Variants in CCDC149 observed in about 807,000 individuals in gnomAD.
The protein encoded by CCDC149 is coiled-coil domain-containing protein 149.
In CCDC149, 45 loss-of-function variants were observed where a neutral mutation model predicts 59.9. The ratio of observed to expected loss-of-function variants is 0.75; its 90% confidence interval spans 0.59 to 0.96. The LOEUF is 0.96. Ranked by LOEUF, CCDC149 falls within the 40% of genes least tolerant of loss-of-function variation. The probability of loss-of-function intolerance (pLI) is 0.00; values close to 1 mark genes in which losing one functional copy is unlikely to be tolerated. For missense variants in CCDC149, 584 were observed against 664.7 expected (o/e 0.88, Z 1.33); for synonymous variants, 245 against 260.6 (o/e 0.94, Z 0.58).
At chr4:24,849,792 C>T (rs990627210) in intron 4 of CCDC149, among the ~76,000 whole-genome samples, 2 of 152,192 alleles carry the variant, frequency 1.3e-5, no homozygotes. Flanking sequence ...AGATAAAAAT[C>T]TTCCACTTTA....
At chr4:24,821,998 T>G (rs570991234) in intron 10 of CCDC149, among the ~76,000 whole-genome samples, 44 of 152,160 alleles carry the variant, frequency 2.9e-4, no homozygotes, top group Admixed American at 7.9e-4. Context: ...GTTTTTATCT[T>G]TATTTTTAGT....
chr4:24,855,561 A>T (rs1376087350), intron 3 of CCDC149, among the ~76,000 whole-genome samples: 3 of 115,128 alleles, frequency 2.6e-5, no homozygotes, highest in African/African-American at 9.9e-5. Flanking sequence ...GGCAACAAAG[A>T]GAGACTCTGT....
chr4:24,838,068 G>A (rs1716658057), intron 5 of CCDC149, 88 bp downstream of exon 5: 2 of 1,056,108 alleles, frequency 1.9e-6, no homozygotes, highest in Non-Finnish European at 1.5e-6. Context: ...CCCATACTCT[G>A]AGAAACGAGG....
At chr4:24,845,894 C>A (rs1404233551) in intron 4 of CCDC149, among the ~76,000 whole-genome samples, 2 of 152,344 alleles carry the variant, frequency 1.3e-5, no homozygotes, top group Admixed American at 1.3e-4. Flanking sequence ...GAGCCAAAAT[C>A]TTTAGTGTCC....
At chr4:24,834,570 G>A (rs1716371057) in intron 8 of CCDC149, among the ~76,000 whole-genome samples, 1 of 152,154 alleles carries the variant, frequency 6.6e-6, no homozygotes, top group African/African-American at 2.4e-5. Context: ...TAGGAAACGG[G>A]GAACATTCTG....
chr4:24,930,899 G>GGACC (rs1468377156), intron 1 of CCDC149, among the ~76,000 whole-genome samples: 2 of 151,998 alleles, frequency 1.3e-5, no homozygotes, highest in Non-Finnish European at 1.5e-5. Context: ...GAGAAGGGAG[G>GGACC]GACCCTCTGG....
intron 12 of CCDC149, among the ~76,000 whole-genome samples, chr4:24,813,076 G>A (rs888180438): frequency 1.3e-5 from 2 of 152,106 alleles, no homozygotes; most frequent in African/African-American, 4.8e-5. Flanking sequence ...AGGCCTTTGG[G>A]AGGTACTCAG....
At chr4:24,881,938 A>T (rs1474161930) in intron 1 of CCDC149, among the ~76,000 whole-genome samples, 1 of 152,316 alleles carries the variant, frequency 6.6e-6, no homozygotes, top group East Asian at 1.9e-4. Context: ...AGCTCATTAC[A>T]GAGCCAAGCC....
intron 3 of CCDC149, among the ~76,000 whole-genome samples, chr4:24,872,527 C>T (rs571461117): frequency 5.3e-5 from 8 of 152,152 alleles, no homozygotes; most frequent in African/African-American, 1.7e-4. Context: ...TATGCACCCA[C>T]AGAAGAGCAT....
rs560305015 is a variant in CCDC149, at chr4:24,943,550, G to A, written c.-65+36519C>T. Among the ~76,000 whole-genome samples the A allele has an allele frequency of 3.9e-5, 6 of 152,302 alleles. No homozygotes were observed. In the East Asian group the frequency reaches 1.2e-3, roughly 29 times the overall value. ...AACACCAAAAGCAATGGCAACAAAA[G>A]CCAAAATTGACAAATGGGATCTAAT... On this transcript the variant is annotated intron_variant, in intron 1 of 12. Transcript: ENST00000389609.
intron 9 of CCDC149, among the ~76,000 whole-genome samples, chr4:24,824,883 T>C (rs980615251): frequency 1.3e-5 from 2 of 152,188 alleles, no homozygotes; most frequent in African/African-American, 4.8e-5. Flanking sequence ...ACTGTTCATG[T>C]TGAAACATGG....
intron 4 of CCDC149, among the ~76,000 whole-genome samples, chr4:24,852,317 C>T (rs569695813): frequency 7.5e-4 from 114 of 151,736 alleles, no homozygotes; most frequent in Non-Finnish European, 1.0e-3. Context: ...CACACACACA[C>T]ACACACACAC....
intron 1 of CCDC149, among the ~76,000 whole-genome samples, chr4:24,951,302 T>C (rs1156945774): frequency 6.6e-6 from 1 of 152,210 alleles, no homozygotes; most frequent in Non-Finnish European, 1.5e-5. Flanking sequence ...TTTGGAAGCT[T>C]TTAAACTTCA....
chr4:24,961,220 G>A (rs936631372), intron 1 of CCDC149, among the ~76,000 whole-genome samples: 8 of 152,224 alleles, frequency 5.3e-5, no homozygotes, highest in Non-Finnish European at 1.0e-4. Flanking sequence ...CTTGAGGAAT[G>A]ACATGGTGGT....
chr4:24,848,040 A>C (rs1419946985), intron 4 of CCDC149, among the ~76,000 whole-genome samples: 1 of 152,164 alleles, frequency 6.6e-6, no homozygotes, highest in Admixed American at 6.5e-5. Context: ...ATTAAATGGA[A>C]AATCCCAGAA....
chr4:24,844,887 C>T (rs1032650686), intron 4 of CCDC149, among the ~76,000 whole-genome samples: 5 of 152,052 alleles, frequency 3.3e-5, no homozygotes, highest in African/African-American at 4.8e-5. Flanking sequence ...ATGCACTATC[C>T]TAGGTGCTGA....
chr4:24,952,204 A>G (rs971004855), intron 1 of CCDC149, among the ~76,000 whole-genome samples: 5 of 152,062 alleles, frequency 3.3e-5, no homozygotes, highest in Non-Finnish European at 7.4e-5. Context: ...CACGCCTCAA[A>G]CCTTCGGCTT....
chr4:24,925,029 A>G (rs968829072), intron 1 of CCDC149, among the ~76,000 whole-genome samples: 1 of 152,222 alleles, frequency 6.6e-6, no homozygotes, highest in Admixed American at 6.5e-5. Flanking sequence ...AATCTCAACT[A>G]CATCTTGTCC....
intron 1 of CCDC149, among the ~76,000 whole-genome samples, chr4:24,972,795 T>C (rs13111605): frequency 0.69 from 105,167 of 152,160 alleles, 36,529 homozygotes; most frequent in Non-Finnish European, 0.71. Flanking sequence ...TGTTTATTTG[T>C]CACACTTTGA....
Sources: allele counts gnomAD v4.1 joint callset (sites outside exome capture counted in the v4.1 genomes callset), GRCh38; gene constraint gnomAD v4.1.1; transcripts MANE v1.5; gene names NCBI Gene and HGNC (gene_info 2026-07-23, HGNC 2026-07-21).